Variants in FTCDNL1 observed in about 807,000 individuals in gnomAD.
FTCDNL1 encodes the protein formiminotransferase N-terminal subdomain-containing protein.
In FTCDNL1, 11 loss-of-function variants were observed where a neutral mutation model predicts 5.9. The observed-to-expected ratio is 1.87, with a 90% CI of 1.18 to 3.10. FTCDNL1 has a LOEUF of 3.10. Ranked by LOEUF, FTCDNL1 falls within the 30% of genes most tolerant of loss-of-function variation. The pLI is 0.00. For synonymous variants in FTCDNL1, 58 were observed against 24.8 expected, an observed-to-expected ratio of 2.34 and a Z score of -3.99; for missense variants, 115 against 65.5, an observed-to-expected ratio of 1.76 and a Z score of -2.61.
At chr2:199,705,197 G>A in the FTCDNL1 span, among the ~76,000 whole-genome samples, 23 of 152,126 alleles carry the variant, frequency 1.5e-4, no homozygotes, top group Non-Finnish European at 2.2e-4. Context: ...TGTGGTAAGA[G>A]GGGGAAAGTA....
At chr2:199,848,688 G>A (rs1231285554) in intron 2 of FTCDNL1, among the ~76,000 whole-genome samples, 160 bp downstream of exon 2, 1 of 152,232 alleles carries the variant, frequency 6.6e-6, no homozygotes, top group African/African-American at 2.4e-5. Context: ...AGCTATCTCA[G>A]TATCCTGGAG....
At chr2:199,780,153 A>G (rs2106323431) in intron 3 of FTCDNL1, among the ~76,000 whole-genome samples, 1 of 152,324 alleles carries the variant, frequency 6.6e-6, no homozygotes, top group African/African-American at 2.4e-5. Flanking sequence ...CTGAACTAGG[A>G]TGCAGCCACA....
At chr2:199,707,863 C>T in the FTCDNL1 span, among the ~76,000 whole-genome samples, 1 of 151,946 alleles carries the variant, frequency 6.6e-6, no homozygotes, top group African/African-American at 2.4e-5. Flanking sequence ...CTCCTCAATG[C>T]TTTAAAATTT....
intron 3 of FTCDNL1, among the ~76,000 whole-genome samples, chr2:199,761,068 C>G (rs989431943): frequency 3.3e-5 from 5 of 152,228 alleles, no homozygotes; most frequent in Non-Finnish European, 5.9e-5. Context: ...TGTAAGTAGT[C>G]CCTTCACTAC....
At chr2:199,842,037 T>C in intron 3 of FTCDNL1, among the ~76,000 whole-genome samples, 1 of 152,162 alleles carries the variant, frequency 6.6e-6, no homozygotes, top group Non-Finnish European at 1.5e-5. Flanking sequence ...GGCCGGCAGA[T>C]TGCTTGAGGT....
At chr2:199,834,605 G>A (rs1001835029) in intron 3 of FTCDNL1, among the ~76,000 whole-genome samples, 2 of 152,134 alleles carry the variant, frequency 1.3e-5, no homozygotes, top group Admixed American at 1.3e-4. Flanking sequence ...ATTCTCTGGT[G>A]GGGTAGTCCC....
In FTCDNL1 at chr2:199,819,588, T is replaced by C. The variant is rs1701560999; in HGVS notation, c.381A>G (p.Gln127=). The part of the protein sequence containing the change: ...LQPDLGAAPS[Q]RCGLTACFRA... ...GCTCAGAACCTGTTAAACCACATCT[T>C]TGGGAAGGGGCAGCTCCCAGGTCAG... Residue 127 remains glutamine (Q), a synonymous_variant, in exon 4 of 5, where the codon CAA becomes CAG. Transcript: ENST00000420128. 1 of 701,618 alleles carries C rather than the reference T, an allele frequency of 1.4e-6. No homozygotes were observed. Among genetic ancestry groups the C allele is most frequent in the East Asian group, 2.7e-5 (1 of 37,266 alleles). 43.5% of individuals were successfully genotyped at this position (701,618 alleles called of 1,614,324 possible).
the FTCDNL1 span, among the ~76,000 whole-genome samples, chr2:199,730,729 T>C: frequency 6.6e-6 from 1 of 152,194 alleles, no homozygotes; most frequent in African/African-American, 2.4e-5. Flanking sequence ...ATAGGAACAC[T>C]TTTACACTGT....
the FTCDNL1 span, among the ~76,000 whole-genome samples, chr2:199,694,189 G>A: frequency 4.6e-5 from 7 of 152,210 alleles, no homozygotes; most frequent in African/African-American, 1.7e-4. Context: ...CACTGGAGCT[G>A]GAAGGATGTG....
chr2:199,844,329 T>TA (rs1378784731), intron 3 of FTCDNL1: 4 of 463,732 alleles, frequency 8.6e-6, no homozygotes, highest in African/African-American at 8.0e-5. Flanking sequence ...TTTCAGTTTG[T>TA]AAAAATGGTT....
chr2:199,799,424 C>A (rs982165664), intron 3 of FTCDNL1, among the ~76,000 whole-genome samples: 2 of 152,182 alleles, frequency 1.3e-5, no homozygotes, highest in Admixed American at 6.5e-5. Context: ...GAGCCGGCTG[C>A]CTTCTGCTTC....
At chr2:199,768,987 CA>C (rs1368902199) in intron 3 of FTCDNL1, among the ~76,000 whole-genome samples, 2 of 152,136 alleles carry the variant, frequency 1.3e-5, no homozygotes, top group African/African-American at 4.8e-5. Context: ...ACTCCTGCAG[CA>C]ATCTAATACG....
At chr2:199,683,803 T>C in the FTCDNL1 span, among the ~76,000 whole-genome samples, 959 of 152,306 alleles carry the variant, frequency 6.3e-3, 12 homozygotes, top group African/African-American at 0.022. Flanking sequence ...GAAATCCTAA[T>C]CCTACATCTT....
At chr2:199,787,134 A>G (rs959186040) in intron 3 of FTCDNL1, among the ~76,000 whole-genome samples, 6 of 151,990 alleles carry the variant, frequency 3.9e-5, no homozygotes, top group Non-Finnish European at 8.8e-5. Flanking sequence ...TATCAAGGAT[A>G]ATCTTAATAT....
At chr2:199,682,335 G>A in the FTCDNL1 span, among the ~76,000 whole-genome samples, 10 of 152,256 alleles carry the variant, frequency 6.6e-5, no homozygotes, top group Non-Finnish European at 1.0e-4. Flanking sequence ...CACCCAGCCT[G>A]CAGGTTTTGG....
At chr2:199,734,286 T>C in the FTCDNL1 span, among the ~76,000 whole-genome samples, 1 of 152,164 alleles carries the variant, frequency 6.6e-6, no homozygotes, top group Non-Finnish European at 1.5e-5. Flanking sequence ...CCATTTTGCT[T>C]TATACAACAT....
At chr2:199,697,054 T>C in the FTCDNL1 span, among the ~76,000 whole-genome samples, 2 of 152,208 alleles carry the variant, frequency 1.3e-5, no homozygotes, top group East Asian at 3.9e-4. Flanking sequence ...GGGTGGATCA[T>C]GAGGCCAAGA....
the FTCDNL1 span, among the ~76,000 whole-genome samples, chr2:199,701,557 C>T: frequency 1.4e-4 from 21 of 152,110 alleles, no homozygotes; most frequent in African/African-American, 4.6e-4. Context: ...TGGAATCAAC[C>T]TAGATGTCCA....
chr2:199,685,755 G>A, the FTCDNL1 span, among the ~76,000 whole-genome samples: 2 of 152,120 alleles, frequency 1.3e-5, no homozygotes, highest in Non-Finnish European at 2.9e-5. Context: ...ACCAGGTGAA[G>A]AATATAACCC....
Sources: allele counts gnomAD v4.1 joint callset (sites outside exome capture counted in the v4.1 genomes callset), GRCh38; gene constraint gnomAD v4.1.1; transcripts MANE v1.5; gene names NCBI Gene and HGNC (gene_info 2026-07-23, HGNC 2026-07-21).